Variants in PACSIN2 observed in about 807,000 individuals in gnomAD.
PACSIN2 encodes protein kinase C and casein kinase substrate in neurons 2, also known as protein kinase C and casein kinase substrate in neurons protein 2.
Under a neutral mutation model 63.8 loss-of-function variants are expected in PACSIN2, and 25 were observed. That is an observed-to-expected ratio of 0.39 (90% CI 0.29 to 0.55). The LOEUF (loss-of-function observed/expected upper bound fraction) is 0.55. Among genes scored for constraint, PACSIN2 ranks in the 20% least tolerant of loss-of-function variants. The probability of loss-of-function intolerance (pLI) is 0.62; values close to 1 mark genes in which losing one functional copy is unlikely to be tolerated. For missense variants in PACSIN2, 518 were observed against 646.9 expected (o/e 0.80, Z 2.16); for synonymous variants, 255 against 256.2 (o/e 1.00, Z 0.05).
chr22:42,891,266 G>GT, intron 3 of PACSIN2, 84 bp from the exon 4 acceptor site: 3 of 827,884 alleles, frequency 3.6e-6, no homozygotes, highest in Non-Finnish European at 5.9e-6. Flanking sequence ...GTTCAATGTG[G>GT]CCATTTAGAC....
At position 42,882,195 on chromosome 22, in the gene PACSIN2, G is replaced by C; in HGVS notation, c.895C>G (p.Pro299Ala). Residue 299 changes from proline (P) to alanine (A), a missense_variant, in exon 7 of 11, where the codon CCG becomes GCG. By Grantham distance (27) the Pro-to-Ala change is conservative. Coordinates refer to ENST00000263246, the MANE Select transcript of PACSIN2 (RefSeq NM_001184970.3). ...NHGPGMAMNW[P>A]QFEEWSADLN... is the part of the protein sequence containing the mutation. ...CACCCTCCTCTTACCTCAAACTGCG[G>C]CCAGTTCATGGCCATGCCCGGCCCG... 1 of 1,614,040 alleles carries C rather than the reference G, an allele frequency of 6.2e-7. No individual in the cohort carries two copies. The highest frequency in any genetic ancestry group is 8.5e-7 in the Non-Finnish European group (1 of 1,180,006).
intron 1 of PACSIN2, among the ~76,000 whole-genome samples, chr22:43,007,697 A>G (rs534403392): frequency 1.3e-5 from 2 of 152,288 alleles, no homozygotes; most frequent in South Asian, 4.1e-4. Context: ...CTTTGTACAC[A>G]CTACTATCTG....
At chr22:42,967,786 G>A (rs1920983746) in intron 1 of PACSIN2, among the ~76,000 whole-genome samples, 2 of 152,174 alleles carry the variant, frequency 1.3e-5, no homozygotes. Context: ...TACTTGGGAG[G>A]CTGAGGCAGG....
chr22:42,997,167 A>G (rs2146912335), intron 1 of PACSIN2, among the ~76,000 whole-genome samples: 1 of 152,336 alleles, frequency 6.6e-6, no homozygotes, highest in South Asian at 2.1e-4. Flanking sequence ...TCCTCTGACC[A>G]GAATGTAAGA....
intron 1 of PACSIN2, among the ~76,000 whole-genome samples, chr22:42,955,992 G>A (rs1157598159): frequency 6.6e-6 from 1 of 152,212 alleles, no homozygotes; most frequent in Non-Finnish European, 1.5e-5. Context: ...CAAAGAGAGA[G>A]TTCCAAATTG....
intron 2 of PACSIN2, among the ~76,000 whole-genome samples, chr22:42,899,805 G>A (rs921519623): frequency 8.5e-5 from 13 of 152,198 alleles, no homozygotes; most frequent in African/African-American, 2.9e-4. Context: ...GGATGTGCGC[G>A]ACTACGCCGA....
intron 2 of PACSIN2, among the ~76,000 whole-genome samples, chr22:42,896,269 G>C (rs57394620): frequency 0.048 from 7,236 of 152,238 alleles, 476 homozygotes; most frequent in East Asian, 0.32. Flanking sequence ...ATGCAGCCTG[G>C]CTTTTGAGAC....
In PACSIN2 at chr22:43,002,839, A is replaced by G. The variant is rs139119326; in HGVS notation, c.-78+12182T>C. 2.5e-3 allele frequency among the ~76,000 whole-genome samples: 384 copies of G among 152,390 alleles called. 3 individuals carry two copies. Among genetic ancestry groups the G allele is most frequent in the African/African-American group, 8.8e-3 (364 of 41,594 alleles). On this transcript the variant is annotated intron_variant, in intron 1 of 10. Transcript: ENST00000263246. ...AATCTCATTACGTCAACAGGATAAT[A>G]TAACCATTAATAATCTTTTTGAAGA...
intron 1 of PACSIN2, among the ~76,000 whole-genome samples, chr22:42,933,014 A>G (rs1932814034): frequency 6.6e-6 from 1 of 152,278 alleles, no homozygotes; most frequent in East Asian, 1.9e-4. Context: ...CTCAAGTATC[A>G]AGAGTTGCTG....
chr22:42,877,090 C>A, intron 8 of PACSIN2, 80 bp from the exon 9 acceptor site: 1 of 1,502,324 alleles, frequency 6.7e-7, no homozygotes, highest in Admixed American at 1.8e-5. Flanking sequence ...GCTGCAGGAT[C>A]TCAAGAGACA....
At chr22:42,985,731 T>C (rs748581754) in intron 1 of PACSIN2, among the ~76,000 whole-genome samples, 10 of 152,190 alleles carry the variant, frequency 6.6e-5, no homozygotes, top group Non-Finnish European at 8.8e-5. Context: ...CACCACATTA[T>C]ATTCAGAGGG....
At chr22:42,914,615 C>T (rs1931690362) in intron 1 of PACSIN2, among the ~76,000 whole-genome samples, 1 of 152,178 alleles carries the variant, frequency 6.6e-6, no homozygotes, top group Admixed American at 6.5e-5. Flanking sequence ...CCCAGAGCAG[C>T]TGGTCTCTGC....
intron 1 of PACSIN2, among the ~76,000 whole-genome samples, chr22:42,926,882 C>A (rs1286101440): frequency 6.6e-6 from 1 of 151,920 alleles, no homozygotes; most frequent in African/African-American, 2.4e-5. Context: ...TAAGGAAAAA[C>A]AAACAACAGA....
Position 42,876,132 on chromosome 22 carries a change from C to A in PACSIN2, c.1348+5G>T. ...CTCCCCTGGATGCTGGGGGAGCCCA[C>A]CTACCAGCCTTGAAGCTCAGCTCAT... On this transcript the variant is annotated splice_donor_5th_base_variant and intron_variant, in intron 10 of 10. Transcript: ENST00000263246. 6.2e-7 allele frequency: 1 copy of A among 1,603,212 alleles called. No homozygotes were observed. Among genetic ancestry groups the A allele is most frequent in the Non-Finnish European group, 8.5e-7 (1 of 1,170,830 alleles).
chr22:42,875,738 G>A (rs1327497888), intron 10 of PACSIN2, among the ~76,000 whole-genome samples: 1 of 152,160 alleles, frequency 6.6e-6, no homozygotes, highest in Non-Finnish European at 1.5e-5. Flanking sequence ...GTTTCACCAT[G>A]TTGGTTAGGC....
chr22:42,998,704 C>A (rs1372051127), intron 1 of PACSIN2, among the ~76,000 whole-genome samples: 7 of 152,162 alleles, frequency 4.6e-5, no homozygotes, highest in Admixed American at 4.6e-4. Context: ...GAGAGCCCCA[C>A]CCTCAAGCCT....
rs1439213015 is a variant in PACSIN2 at position 42,879,123 on chromosome 22, T to C, written c.953A>G (p.Lys318Arg). The C allele has an allele frequency of 6.2e-7, 1 of 1,614,092 alleles. No homozygotes were observed. The highest frequency in any genetic ancestry group is 2.2e-5 in the East Asian group (1 of 44,884). The change falls in exon 8 of 11, where the codon AAG (lysine) becomes AGG (arginine). Residue 318 changes from lysine to arginine, a missense_variant. Transcript: ENST00000263246. ...CAGGGTGACGCCGTCAGTGGCCTTC[T>C]TCTTCTCTCTCCGGCTGAGGGTTCG... is the stretch of plus-strand genomic sequence containing the variant. ...LNRTLSRREK[K>R]KATDGVTLTG... is the part of the protein sequence containing the mutation.
intron 1 of PACSIN2, among the ~76,000 whole-genome samples, chr22:42,943,995 C>T (rs1933293422): frequency 6.6e-6 from 1 of 152,160 alleles, no homozygotes; most frequent in Admixed American, 6.5e-5. Flanking sequence ...GAGGAACAAA[C>T]AGAAGAGGAG....
rs1923053023 is a variant in PACSIN2 at position 42,991,693 on chromosome 22, A to T, written c.-78+23328T>A. On this transcript the variant is annotated intron_variant, in intron 1 of 10. Coordinates refer to ENST00000263246, the MANE Select transcript of PACSIN2 (RefSeq NM_001184970.3). Reference sequence around the variant, plus strand: ...CTGAGAACAGTAAACAGTCATGAAGAGATCCAAGGGCTCAGAACCACAATT... The same window carrying T: ...CTGAGAACAGTAAACAGTCATGAAGTGATCCAAGGGCTCAGAACCACAATT... Among the ~76,000 whole-genome samples, 3 of 152,316 alleles carry T rather than the reference A, an allele frequency of 2.0e-5. No homozygotes were observed. In the South Asian group the frequency reaches 6.2e-4, roughly 32 times the overall value.
Sources: allele counts gnomAD v4.1 joint callset (sites outside exome capture counted in the v4.1 genomes callset), GRCh38; gene constraint gnomAD v4.1.1; transcripts MANE v1.5; gene names NCBI Gene and HGNC (gene_info 2026-07-23, HGNC 2026-07-21).